The following PRRG2 variants were observed in gnomAD, a reference collection of about 807,000 sequenced individuals.
PRRG2 encodes the protein transmembrane gamma-carboxyglutamic acid protein 2.
PRRG2 carries 23 observed loss-of-function variants against 27.1 expected under a neutral mutation model. The observed-to-expected ratio is 0.85, with a 90% CI of 0.61 to 1.20. The LOEUF (loss-of-function observed/expected upper bound fraction) is 1.20. Among genes scored for constraint, PRRG2 ranks in the 50% most tolerant of loss-of-function variants. The probability of loss-of-function intolerance (pLI) is 0.00; values close to 1 mark genes in which losing one functional copy is unlikely to be tolerated. For missense variants in PRRG2, 276 were observed against 254.8 expected (o/e 1.08, Z -0.57); for synonymous variants, 104 against 103.4 (o/e 1.01, Z -0.03).
intron 6 of PRRG2, 142 bp downstream of exon 6, chr19:49,590,194 C>A: frequency 7.2e-7 from 1 of 1,398,376 alleles, no homozygotes; most frequent in Non-Finnish European, 9.8e-7. Flanking sequence ...GGGCCCCATG[C>A]AATGGTCTAG....
chr19:49,584,901 G>A (rs2080657471), intron 4 of PRRG2, among the ~76,000 whole-genome samples: 1 of 152,196 alleles, frequency 6.6e-6, no homozygotes, highest in Non-Finnish European at 1.5e-5. Flanking sequence ...AGAGTAAGTG[G>A]AAAGACCAGC....
intron 4 of PRRG2, among the ~76,000 whole-genome samples, chr19:49,586,955 G>A (rs1379153675): frequency 6.6e-6 from 1 of 151,640 alleles, no homozygotes; most frequent in Non-Finnish European, 1.5e-5. Context: ...TTGAGCCTAG[G>A]AGTTTGAGGC....
intron 1 of PRRG2, among the ~76,000 whole-genome samples, chr19:49,581,966 G>A (rs1236428391): frequency 2.0e-5 from 3 of 151,866 alleles, no homozygotes; most frequent in African/African-American, 4.8e-5. Flanking sequence ...CTGGTCGGGC[G>A]CAGTGGCTCA....
At chr19:49,588,780 C>A in intron 5 of PRRG2, 148 bp downstream of exon 5, 1 of 1,128,742 alleles carries the variant, frequency 8.9e-7, no homozygotes, top group Non-Finnish European at 1.2e-6. Flanking sequence ...AGTCTGTGAG[C>A]TGGCTTGTGT....
Position 49,588,487 on chromosome 19 carries a change from T to C in PRRG2, c.302-10T>C, listed in dbSNP as rs774741909. ...CGAGACAGTGTCTCCCCTTCCCTACTTTCCTGCAGGGCGTGGACGAGTGGA... is the reference window on the plus strand; with the variant it reads ...CGAGACAGTGTCTCCCCTTCCCTACCTTCCTGCAGGGCGTGGACGAGTGGA... On this transcript the variant is annotated splice_polypyrimidine_tract_variant and intron_variant, in intron 4 of 6. Coordinates refer to ENST00000246794, the MANE Select transcript of PRRG2 (RefSeq NM_000951.3). 5.7e-6 allele frequency: 9 copies of C among 1,588,016 alleles called. No homozygotes were observed. Among genetic ancestry groups the C allele is most frequent in the Non-Finnish European group, 6.0e-6 (7 of 1,167,870 alleles).
chr19:49,588,677 G>A (rs746295208), intron 5 of PRRG2, 45 bp downstream of exon 5: 1 of 1,501,720 alleles, frequency 6.7e-7, no homozygotes, highest in Non-Finnish European at 8.8e-7. Context: ...GAGAGCAGGG[G>A]AGGGAGGAAG....
intron 6 of PRRG2, 140 bp downstream of exon 6, chr19:49,590,192 T>C (rs890237820): frequency 4.4e-6 from 6 of 1,377,268 alleles, no homozygotes; most frequent in Non-Finnish European, 2.0e-6. Flanking sequence ...CGGGGCCCCA[T>C]GCAATGGTCT....
chr19:49,588,973 G>A (rs535700424), intron 5 of PRRG2, among the ~76,000 whole-genome samples: 1 of 152,214 alleles, frequency 6.6e-6, no homozygotes, highest in East Asian at 1.9e-4. Flanking sequence ...CTTGGTGTCT[G>A]TGGTATGTCA....
chr19:49,585,500 T>A lies in PRRG2; in HGVS notation c.301+1548T>A, dbSNP rs188366652. Among the ~76,000 whole-genome samples, 15 of 152,236 alleles carry A rather than the reference T, an allele frequency of 9.9e-5. 1 individual carries two copies. The highest frequency in any genetic ancestry group is 8.5e-4 in the Admixed American group (13 of 15,282). On this transcript the variant is annotated intron_variant, in intron 4 of 6. Coordinates refer to ENST00000246794, the MANE Select transcript of PRRG2 (RefSeq NM_000951.3). ...GCCTTTTGCTAAAGGGGCTCAAAAG[T>A]CTGGGGGTTTACTGTGGTCAGATGT...
chr19:49,580,801 C>T (rs920642413), upstream of PRRG2: 2 of 152,128 alleles, frequency 1.3e-5, no homozygotes, highest in Non-Finnish European at 2.9e-5. Context: ...ATCGTTTTTT[C>T]CTGCTTGGTT....
chr19:49,583,462 G>A, intron 2 of PRRG2, 80 bp from the exon 3 acceptor site: 1 of 1,549,508 alleles, frequency 6.5e-7, no homozygotes, highest in Non-Finnish European at 8.8e-7. Flanking sequence ...CTTCCTCCAG[G>A]ACCCCACTGC....
intron 4 of PRRG2, among the ~76,000 whole-genome samples, chr19:49,584,390 T>G (rs1187545733): frequency 1.3e-5 from 2 of 152,010 alleles, no homozygotes; most frequent in African/African-American, 4.8e-5. Context: ...CAGGATGGTG[T>G]TGATCTCCTG....
At chr19:49,582,508 C>G (rs559429819) in intron 1 of PRRG2, among the ~76,000 whole-genome samples, 206 of 151,990 alleles carry the variant, frequency 1.4e-3, no homozygotes, top group Middle Eastern at 0.01. Context: ...CGCCTGTAAT[C>G]CCAGCACCAG....
chr19:49,584,522 GC>G (rs1323010821), intron 4 of PRRG2, among the ~76,000 whole-genome samples: 1 of 152,134 alleles, frequency 6.6e-6, no homozygotes, highest in Non-Finnish European at 1.5e-5. Context: ...AGGCTGGAGT[GC>G]TGTGGTACAA....
At chr19:49,584,670 C>T (rs2080656034) in intron 4 of PRRG2, among the ~76,000 whole-genome samples, 1 of 152,148 alleles carries the variant, frequency 6.6e-6, no homozygotes, top group Non-Finnish European at 1.5e-5. Flanking sequence ...CACTATGTGG[C>T]CCAGGCTGGT....
intron 5 of PRRG2, 95 bp from the exon 6 acceptor site, chr19:49,589,805 C>A (rs1040332465): frequency 7.3e-7 from 1 of 1,376,640 alleles, no homozygotes; most frequent in Non-Finnish European, 1.0e-6. Flanking sequence ...GTCCCAGTGT[C>A]ACCCTGAGTC....
chr19:49,586,235 C>T (rs952600624), intron 4 of PRRG2, among the ~76,000 whole-genome samples: 1 of 151,892 alleles, frequency 6.6e-6, no homozygotes, highest in Non-Finnish European at 1.5e-5. Context: ...GCATGCACCA[C>T]CACGCCCAGA....
At chr19:49,586,541 C>G (rs1373376566) in intron 4 of PRRG2, among the ~76,000 whole-genome samples, 1 of 152,008 alleles carries the variant, frequency 6.6e-6, no homozygotes, top group African/African-American at 2.4e-5. Context: ...CCTGTAGCAC[C>G]ACACCCAGCT....
intron 1 of PRRG2, among the ~76,000 whole-genome samples, chr19:49,582,752 C>A (rs2080637273): frequency 6.6e-6 from 1 of 152,086 alleles, no homozygotes; most frequent in African/African-American, 2.4e-5. Flanking sequence ...CCTGTAGTCC[C>A]AGCTACTCGG....
Sources: allele counts gnomAD v4.1 joint callset (sites outside exome capture counted in the v4.1 genomes callset), GRCh38; gene constraint gnomAD v4.1.1; transcripts MANE v1.5; gene names NCBI Gene and HGNC (gene_info 2026-07-23, HGNC 2026-07-21).